Variants in NEGR1 observed in about 807,000 individuals in gnomAD.
NEGR1 encodes neuronal growth regulator 1, also known as IgLON family member 4.
NEGR1 carries 10 observed loss-of-function variants against 40.9 expected under a neutral mutation model. The ratio of observed to expected loss-of-function variants is 0.24; its 90% confidence interval spans 0.15 to 0.42. The LOEUF is 0.42. Ranked by LOEUF, NEGR1 falls within the 10% of genes least tolerant of loss-of-function variation. NEGR1 has a pLI of 1.00. For missense variants in NEGR1, 352 were observed against 438.9 expected (o/e 0.80, Z 1.77); for synonymous variants, 185 against 166.8 (o/e 1.11, Z -0.84).
intron 2 of NEGR1, among the ~76,000 whole-genome samples, chr1:71,777,161 T>C (rs1656542269): frequency 6.6e-6 from 1 of 152,130 alleles, no homozygotes; most frequent in Non-Finnish European, 1.5e-5. Context: ...AATGTCTCAT[T>C]GAATCCTCAA....
At chr1:72,136,919 T>C (rs1296568299) in intron 1 of NEGR1, among the ~76,000 whole-genome samples, 1 of 151,736 alleles carries the variant, frequency 6.6e-6, no homozygotes, top group East Asian at 1.9e-4. Flanking sequence ...AACAACCCCA[T>C]CAAAAAGTGG....
At chr1:71,942,455 C>CTAAATATATATATATATATATA (rs1645968569) in intron 1 of NEGR1, among the ~76,000 whole-genome samples, 1 of 21,298 alleles carries the variant, frequency 4.7e-5, no homozygotes. Context: ...TTCTTTAAAT[C>CTAAATATATATATATATATATA]TATATATATA....
chr1:71,628,079 T>A (rs637576), intron 4 of NEGR1, among the ~76,000 whole-genome samples: 1 of 152,044 alleles, frequency 6.6e-6, no homozygotes, highest in Non-Finnish European at 1.5e-5. Flanking sequence ...GGGAATGTAT[T>A]TGGAAATTGA....
In NEGR1 at chr1:71,698,776, T is replaced by C. The variant is rs567467333; in HGVS notation, c.536-637A>G. 7.2e-5 allele frequency among the ~76,000 whole-genome samples: 11 copies of C among 152,014 alleles called. No homozygotes were observed. In the South Asian group the frequency reaches 1.5e-3, roughly 20 times the overall value. On this transcript the variant is annotated intron_variant, in intron 3 of 6. Coordinates refer to ENST00000357731, the MANE Select transcript of NEGR1 (RefSeq NM_173808.3). Reference sequence around the variant, plus strand: ...TTCATAAAAGCAAACTAAATTATCTTTATTTTTAAATATGCATGGGAAAAC... The same window carrying C: ...TTCATAAAAGCAAACTAAATTATCTCTATTTTTAAATATGCATGGGAAAAC...
intron 6 of NEGR1, among the ~76,000 whole-genome samples, chr1:71,560,101 ATGATGATG>A (rs1265851326): frequency 9.9e-5 from 15 of 151,302 alleles, no homozygotes; most frequent in Non-Finnish European, 3.0e-5. Context: ...GATGATGATG[ATGATGATG>A]ATAACTATAT....
intron 1 of NEGR1, among the ~76,000 whole-genome samples, chr1:72,074,039 T>C (rs1232479350): frequency 6.6e-6 from 1 of 152,148 alleles, no homozygotes; most frequent in African/African-American, 2.4e-5. Context: ...TATGATACGC[T>C]ATTTCATATT....
At chr1:72,007,856 C>T (rs1192778791) in intron 1 of NEGR1, among the ~76,000 whole-genome samples, 2 of 152,010 alleles carry the variant, frequency 1.3e-5, no homozygotes, top group African/African-American at 4.8e-5. Context: ...AGGCCTACAT[C>T]TTTTTATTTT....
chr1:71,490,885 G>C (rs1048677173), intron 6 of NEGR1, among the ~76,000 whole-genome samples: 3 of 151,968 alleles, frequency 2.0e-5, no homozygotes, highest in Non-Finnish European at 4.4e-5. Context: ...CTAATTTCTT[G>C]TTATATGAAA....
At chr1:71,593,385 C>A (rs1291132780) in intron 5 of NEGR1, among the ~76,000 whole-genome samples, 3 of 152,122 alleles carry the variant, frequency 2.0e-5, no homozygotes, top group Non-Finnish European at 4.4e-5. Flanking sequence ...ATGTCTGGGT[C>A]ATTTCAGACA....
At chr1:71,481,463 C>T (rs1646853489) in intron 6 of NEGR1, among the ~76,000 whole-genome samples, 1 of 151,808 alleles carries the variant, frequency 6.6e-6, no homozygotes, top group Admixed American at 6.6e-5. Context: ...ACGTGTGAAT[C>T]TCTTTGCTTC....
chr1:71,997,709 C>T (rs1646517415), intron 1 of NEGR1, among the ~76,000 whole-genome samples: 1 of 151,884 alleles, frequency 6.6e-6, no homozygotes, highest in Non-Finnish European at 1.5e-5. Context: ...AATAATCTGA[C>T]ATCCAAATTC....
chr1:71,739,052 A>T (rs1655126342), intron 3 of NEGR1, among the ~76,000 whole-genome samples: 1 of 152,068 alleles, frequency 6.6e-6, no homozygotes, highest in Non-Finnish European at 1.5e-5. Flanking sequence ...ATCAAATTAA[A>T]GGTTGCAATG....
intron 6 of NEGR1, among the ~76,000 whole-genome samples, chr1:71,431,043 G>A (rs1433550244): frequency 2.0e-5 from 3 of 150,244 alleles, no homozygotes; most frequent in East Asian, 2.0e-4. Flanking sequence ...CACCGCGCCC[G>A]GCCAAAAAAG....
chr1:72,016,232 T>TA (rs1646709387), intron 1 of NEGR1, among the ~76,000 whole-genome samples: 1 of 152,080 alleles, frequency 6.6e-6, no homozygotes, highest in Non-Finnish European at 1.5e-5. Flanking sequence ...AATATAAGTG[T>TA]AAGAGGAACC....
chr1:71,838,942 T>C (rs2101800058), intron 2 of NEGR1, among the ~76,000 whole-genome samples: 1 of 152,224 alleles, frequency 6.6e-6, no homozygotes, highest in Non-Finnish European at 1.5e-5. Context: ...TATTCTGTAA[T>C]GGAGTTTGAG....
At chr1:71,558,406 A>G (rs1282650401) in intron 6 of NEGR1, among the ~76,000 whole-genome samples, 3 of 151,608 alleles carry the variant, frequency 2.0e-5, no homozygotes, top group African/African-American at 7.3e-5. Flanking sequence ...TACGTCAGCA[A>G]ATGTCACCTG....
intron 1 of NEGR1, among the ~76,000 whole-genome samples, chr1:71,946,138 T>C (rs1377380830): frequency 1.3e-5 from 2 of 152,128 alleles, no homozygotes; most frequent in Non-Finnish European, 2.9e-5. Context: ...AGACTTGACC[T>C]CCTGGGTTCA....
At chr1:71,651,876 T>C (rs1651729343) in intron 4 of NEGR1, among the ~76,000 whole-genome samples, 2 of 151,936 alleles carry the variant, frequency 1.3e-5, no homozygotes. Context: ...AGTATTACTT[T>C]TGTTTCAACT....
intron 2 of NEGR1, among the ~76,000 whole-genome samples, chr1:71,840,000 T>G (rs1484687111): frequency 6.6e-6 from 1 of 152,180 alleles, no homozygotes; most frequent in Non-Finnish European, 1.5e-5. Context: ...CAGGTGACGA[T>G]GTAAAATAGA....
Sources: gnomAD v4.1 joint callset for allele counts (sites outside exome capture counted in the v4.1 genomes callset) on GRCh38, gnomAD v4.1.1 for gene constraint, MANE v1.5 for transcripts, NCBI Gene and HGNC (gene_info 2026-07-23, HGNC 2026-07-21) for gene names.